RBFOX1: variants seen among roughly 807,000 people sequenced by gnomAD.
RBFOX1 encodes the protein RNA binding fox-1 homolog 1.
RBFOX1 carries 8 observed loss-of-function variants against 57.7 expected under a neutral mutation model. That is an observed-to-expected ratio of 0.14 (90% CI 0.08 to 0.25). RBFOX1 has a LOEUF of 0.25. Among genes scored for constraint, RBFOX1 ranks in the 10% least tolerant of loss-of-function variants. The pLI is 1.00. For missense variants in RBFOX1, 611 were observed against 548.5 expected (o/e 1.11, Z -1.14); for synonymous variants, 326 against 222.4 (o/e 1.47, Z -4.15).
chr16:5,859,570 CAA>C (rs2057158148), intron 3 of RBFOX1, among the ~76,000 whole-genome samples: 1 of 152,114 alleles, frequency 6.6e-6, no homozygotes, highest in East Asian at 1.9e-4. Flanking sequence ...CACTTGCCAG[CAA>C]AGGAAGAAAG....
intron 3 of RBFOX1, among the ~76,000 whole-genome samples, chr16:6,663,475 C>T (rs1431376907): frequency 6.6e-6 from 1 of 152,120 alleles, no homozygotes; most frequent in Non-Finnish European, 1.5e-5. Context: ...CTGTGCACTT[C>T]TGATAGCAGA....
At chr16:7,338,766 A>T (rs1258453653) in intron 4 of RBFOX1, among the ~76,000 whole-genome samples, 1 of 152,246 alleles carries the variant, frequency 6.6e-6, no homozygotes, top group Non-Finnish European at 1.5e-5. Flanking sequence ...TTATAGAAAG[A>T]TAAAGAAATC....
intron 4 of RBFOX1, among the ~76,000 whole-genome samples, chr16:7,102,589 A>G (rs1393678282): frequency 6.6e-6 from 1 of 152,192 alleles, no homozygotes; most frequent in East Asian, 1.9e-4. Context: ...ATAATTAGGC[A>G]GTGATCGATT....
At chr16:6,446,604 TAAAC>T (rs778155201) in intron 2 of RBFOX1, among the ~76,000 whole-genome samples, 28 of 152,190 alleles carry the variant, frequency 1.8e-4, no homozygotes, top group Non-Finnish European at 2.9e-5. Context: ...GCCAATGACT[TAAAC>T]AATTACTTAC....
chr16:7,593,835 C>T lies in RBFOX1; in HGVS notation c.469-1714C>T, dbSNP rs115720353. 6.2e-3 allele frequency among the ~76,000 whole-genome samples: 943 copies of T among 152,190 alleles called. 5 individuals carry two copies. Among genetic ancestry groups the T allele is most frequent in the Middle Eastern group, 0.02 (6 of 294 alleles). On this transcript the variant is annotated intron_variant, in intron 7 of 15. Coordinates refer to ENST00000550418, the MANE Select transcript of RBFOX1 (RefSeq NM_018723.4). ...TCTTGGAACTAATCTGTAGTGGATT[C>T]TGAGGTACAGCTGTCTATAGAATCC... is the stretch of plus-strand genomic sequence containing the variant.
chr16:6,686,179 G>C (rs775338050), intron 3 of RBFOX1, among the ~76,000 whole-genome samples: 2 of 152,158 alleles, frequency 1.3e-5, no homozygotes, highest in African/African-American at 2.4e-5. Flanking sequence ...AAATCCCTTC[G>C]ATGTAATCAG....
chr16:5,933,258 C>T (rs1215142688), intron 4 of RBFOX1, among the ~76,000 whole-genome samples: 1 of 152,178 alleles, frequency 6.6e-6, no homozygotes, highest in Non-Finnish European at 1.5e-5. Flanking sequence ...CCGATGTTGC[C>T]AGGCTCTTGT....
chr16:5,498,383 A>G (rs1363824177), intron 2 of RBFOX1, among the ~76,000 whole-genome samples: 3 of 152,184 alleles, frequency 2.0e-5, no homozygotes, highest in Non-Finnish European at 4.4e-5. Context: ...AACTCAAGTT[A>G]TCTACATGCC....
intron 2 of RBFOX1, among the ~76,000 whole-genome samples, chr16:6,366,052 A>G (rs1481993361): frequency 6.7e-6 from 1 of 148,294 alleles, no homozygotes; most frequent in Non-Finnish European, 1.5e-5. Flanking sequence ...CCTGACTTTC[A>G]TATGGTCTCT....
At chr16:5,308,603 AG>A (rs1177048755) in intron 1 of RBFOX1, among the ~76,000 whole-genome samples, 1 of 152,244 alleles carries the variant, frequency 6.6e-6, no homozygotes, top group African/African-American at 2.4e-5. Context: ...GACTATATTT[AG>A]TAAAATAATA....
At chr16:7,621,949 G>C (rs1402805472) in intron 10 of RBFOX1, among the ~76,000 whole-genome samples, 1 of 152,202 alleles carries the variant, frequency 6.6e-6, no homozygotes, top group African/African-American at 2.4e-5. Context: ...GTCTTCCAAT[G>C]AAACTTTACT....
At chr16:7,398,221 G>A (rs1250763856) in intron 4 of RBFOX1, among the ~76,000 whole-genome samples, 1 of 152,202 alleles carries the variant, frequency 6.6e-6, no homozygotes, top group African/African-American at 2.4e-5. Context: ...CAGTATCATT[G>A]CCTGACAGCT....
chr16:7,662,960 G>C (rs1185924234), intron 12 of RBFOX1, among the ~76,000 whole-genome samples: 1 of 152,216 alleles, frequency 6.6e-6, no homozygotes, highest in African/African-American at 2.4e-5. Context: ...CATCTAACTT[G>C]GCTCTTGAAT....
intron 4 of RBFOX1, among the ~76,000 whole-genome samples, chr16:7,438,291 G>T (rs537361192): frequency 2.3e-4 from 35 of 152,260 alleles, no homozygotes; most frequent in African/African-American, 8.4e-4. Context: ...GGATGGGGAT[G>T]GAGATTGTAA....
At chr16:6,996,475 C>T (rs2092257180) in intron 3 of RBFOX1, among the ~76,000 whole-genome samples, 1 of 152,102 alleles carries the variant, frequency 6.6e-6, no homozygotes, top group Non-Finnish European at 1.5e-5. Context: ...ATATATCCAT[C>T]CTCCTATCTG....
At chr16:7,031,061 C>T (rs2042667457) in intron 3 of RBFOX1, among the ~76,000 whole-genome samples, 1 of 152,188 alleles carries the variant, frequency 6.6e-6, no homozygotes, top group African/African-American at 2.4e-5. Context: ...GCTGATGCTG[C>T]TTCTTCCAAG....
intron 12 of RBFOX1, among the ~76,000 whole-genome samples, chr16:7,662,090 C>G (rs940328971): frequency 2.6e-5 from 4 of 152,180 alleles, no homozygotes; most frequent in African/African-American, 7.2e-5. Context: ...AACCCCAACT[C>G]TTGGCCCACA....
intron 4 of RBFOX1, among the ~76,000 whole-genome samples, chr16:7,209,912 T>C (rs2090781508): frequency 6.6e-6 from 1 of 152,196 alleles, no homozygotes; most frequent in Non-Finnish European, 1.5e-5. Flanking sequence ...AGGGGTTCCA[T>C]GATGCACCAT....
intron 1 of RBFOX1, among the ~76,000 whole-genome samples, chr16:6,284,537 A>G (rs2076705076): frequency 6.6e-6 from 1 of 152,172 alleles, no homozygotes; most frequent in Non-Finnish European, 1.5e-5. Flanking sequence ...TGCCATTTTT[A>G]TCACCTGTTT....
Sources: gnomAD v4.1 joint callset for allele counts (sites outside exome capture counted in the v4.1 genomes callset) on GRCh38, gnomAD v4.1.1 for gene constraint, MANE v1.5 for transcripts, NCBI Gene and HGNC (gene_info 2026-07-23, HGNC 2026-07-21) for gene names.